Variants in LRRC7 observed in about 807,000 individuals in gnomAD.
The protein encoded by LRRC7 is leucine-rich repeat-containing protein 7.
A neutral mutation model predicts 175.7 loss-of-function variants in LRRC7; 23 were observed. The observed-to-expected ratio is 0.13, with a 90% CI of 0.09 to 0.19. The LOEUF (loss-of-function observed/expected upper bound fraction) is 0.19, where lower values mean the gene tolerates loss of function less well. LRRC7 is among the 10% of genes least tolerant of loss of function. The pLI is 1.00. For missense variants in LRRC7, 1,354 were observed against 1,904.7 expected, an observed-to-expected ratio of 0.71 and a Z score of 5.38; for synonymous variants, 685 against 680.9, an observed-to-expected ratio of 1.01 and a Z score of -0.09.
intron 7 of LRRC7, chr1:69,874,438 C>T (rs1685859625): frequency 6.6e-6 from 1 of 152,130 alleles, no homozygotes; most frequent in African/African-American, 2.4e-5. Flanking sequence ...ATTCATTCTT[C>T]ATCCCATGTT....
rs1439307071 is a variant in LRRC7 at position 70,128,214 on chromosome 1, G to A, written c.*6327G>A. ...TGGCCTCAAAAGATCCACCTGCCTC[G>A]ACCTCCCAAAGTGCTGGGATTACAG... On this transcript the variant is annotated 3_prime_UTR_variant, in exon 27 of 27. Transcript: ENST00000651989. 6.6e-6 allele frequency among the ~76,000 whole-genome samples: 1 copy of A among 152,108 alleles called. No individual in the cohort carries two copies. Among genetic ancestry groups the A allele is most frequent in the Non-Finnish European group, 1.5e-5 (1 of 68,016 alleles).
intron 8 of LRRC7, among the ~76,000 whole-genome samples, chr1:69,954,608 C>A (rs886128098): frequency 3.9e-5 from 6 of 151,982 alleles, no homozygotes; most frequent in South Asian, 2.1e-4. Context: ...TTTTTCATAT[C>A]ATGTTGATAG....
chr1:69,592,541 C>T (rs576296159), intron 1 of LRRC7, among the ~76,000 whole-genome samples: 65 of 152,052 alleles, frequency 4.3e-4, no homozygotes, highest in African/African-American at 1.4e-3. Context: ...ATCTAGCTGG[C>T]GAAGATCGCC....
At chr1:69,620,673 T>A (rs1317571292) in intron 1 of LRRC7, among the ~76,000 whole-genome samples, 1 of 152,202 alleles carries the variant, frequency 6.6e-6, no homozygotes, top group Non-Finnish European at 1.5e-5. Flanking sequence ...ATGACTATAC[T>A]TTTCATGTGA....
At chr1:69,838,876 A>T (rs1362435025) in intron 7 of LRRC7, among the ~76,000 whole-genome samples, 6 of 152,006 alleles carry the variant, frequency 3.9e-5, no homozygotes, top group Non-Finnish European at 1.5e-5. Flanking sequence ...CCATAATAAA[A>T]TGCTTTGTTT....
intron 7 of LRRC7, among the ~76,000 whole-genome samples, chr1:69,906,979 C>T (rs1646337901): frequency 6.6e-6 from 1 of 151,856 alleles, no homozygotes; most frequent in South Asian, 2.1e-4. Flanking sequence ...CCTTCACATC[C>T]CTTGTAAGTT....
intron 7 of LRRC7, among the ~76,000 whole-genome samples, chr1:69,900,759 G>C (rs1646112629): frequency 6.6e-6 from 1 of 152,012 alleles, no homozygotes; most frequent in African/African-American, 2.4e-5. Flanking sequence ...TGTAGGTTTT[G>C]GATTTTCACA....
rs1339253671 is a variant in LRRC7, at chr1:70,135,108, TTTC to T, written c.*13224_*13226del. 1.4e-4 allele frequency among the ~76,000 whole-genome samples: 21 copies of T among 152,222 alleles called. No homozygotes were observed. Among genetic ancestry groups the T allele is most frequent in the Admixed American group, 1.3e-3 (20 of 15,278 alleles). On this transcript the variant is annotated 3_prime_UTR_variant, in exon 27 of 27. Coordinates refer to ENST00000651989, the MANE Select transcript of LRRC7 (RefSeq NM_001370785.2). ...GTATGTATTCCAGTTGCGCTTTTTA[TTTC>T]TTTTTTCCTTTCTTTTCTTTTGCAC...
At chr1:69,738,249 G>A (rs1337699098) in intron 2 of LRRC7, among the ~76,000 whole-genome samples, 11 of 151,866 alleles carry the variant, frequency 7.2e-5, no homozygotes, top group Admixed American at 6.6e-4. Context: ...CTTTTATTGG[G>A]AAGGTAACTA....
chr1:69,672,991 C>T (rs1052702035), intron 1 of LRRC7, among the ~76,000 whole-genome samples: 5 of 152,160 alleles, frequency 3.3e-5, no homozygotes, highest in African/African-American at 9.7e-5. Flanking sequence ...CAGTCTCTTC[C>T]TCAGGCCCTA....
chr1:69,910,402 A>C (rs1387529760), intron 7 of LRRC7, among the ~76,000 whole-genome samples: 4 of 152,180 alleles, frequency 2.6e-5, no homozygotes, highest in Non-Finnish European at 5.9e-5. Context: ...TCCTTCTACC[A>C]GACAGGACCC....
chr1:69,631,958 T>C (rs1215484543), intron 1 of LRRC7, among the ~76,000 whole-genome samples: 1 of 152,190 alleles, frequency 6.6e-6, no homozygotes. Context: ...AAGGTTTAAA[T>C]AAAAACCTTT....
At chr1:69,863,542 A>G (rs1008681280) in intron 7 of LRRC7, among the ~76,000 whole-genome samples, 1 of 152,194 alleles carries the variant, frequency 6.6e-6, no homozygotes, top group Non-Finnish European at 1.5e-5. Context: ...AGACATTTCT[A>G]TGCCCCGCAT....
chr1:69,587,240 T>G (rs998679880), intron 1 of LRRC7, among the ~76,000 whole-genome samples: 4 of 152,188 alleles, frequency 2.6e-5, no homozygotes, highest in African/African-American at 9.6e-5. Flanking sequence ...CATATGCTTT[T>G]TCTTCTAATT....
chr1:70,049,766 C>A (rs1370791003), intron 22 of LRRC7, among the ~76,000 whole-genome samples: 1 of 152,044 alleles, frequency 6.6e-6, no homozygotes, highest in East Asian at 1.9e-4. Flanking sequence ...TTTGTAATAC[C>A]TATTTTTTCC....
At chr1:69,658,007 T>G (rs1656902779) in intron 1 of LRRC7, among the ~76,000 whole-genome samples, 1 of 151,914 alleles carries the variant, frequency 6.6e-6, no homozygotes, top group South Asian at 2.1e-4. Flanking sequence ...AATTCATCAT[T>G]TTTATACCCA....
At chr1:69,793,401 T>C (rs940484062) in intron 4 of LRRC7, among the ~76,000 whole-genome samples, 2 of 152,046 alleles carry the variant, frequency 1.3e-5, no homozygotes, top group Non-Finnish European at 2.9e-5. Context: ...CTTGGTCACA[T>C]GTAAATATAA....
At chr1:69,704,717 A>C (rs917841197) in intron 2 of LRRC7, among the ~76,000 whole-genome samples, 7 of 152,008 alleles carry the variant, frequency 4.6e-5, no homozygotes, top group Admixed American at 1.3e-4. Flanking sequence ...TCATAAATCT[A>C]ATACATTGTA....
At chr1:69,615,676 A>G (rs1396896672) in intron 1 of LRRC7, among the ~76,000 whole-genome samples, 1 of 152,098 alleles carries the variant, frequency 6.6e-6, no homozygotes, top group Middle Eastern at 3.2e-3. Context: ...GCATATACAT[A>G]TAATTGTTAA....
Sources: allele counts gnomAD v4.1 joint callset (sites outside exome capture counted in the v4.1 genomes callset), GRCh38; gene constraint gnomAD v4.1.1; transcripts MANE v1.5; gene names NCBI Gene and HGNC (gene_info 2026-07-23, HGNC 2026-07-21).